The following SYK variants were observed in gnomAD, a reference collection of about 807,000 sequenced individuals.
SYK encodes spleen associated tyrosine kinase.
A neutral mutation model predicts 77.8 loss-of-function variants in SYK; 16 were observed. That is an observed-to-expected ratio of 0.21 (90% CI 0.14 to 0.31). SYK has a LOEUF of 0.31. SYK is among the 10% of genes least tolerant of loss of function. SYK has a pLI of 1.00. For missense variants in SYK, 529 were observed against 814.4 expected, an observed-to-expected ratio of 0.65 and a Z score of 4.26; for synonymous variants, 312 against 308.7, an observed-to-expected ratio of 1.01 and a Z score of -0.11.
chr9:90,880,949 T>G (rs1828128195), intron 11 of SYK, among the ~76,000 whole-genome samples: 1 of 152,178 alleles, frequency 6.6e-6, no homozygotes, highest in Non-Finnish European at 1.5e-5. Flanking sequence ...CTTGGGCCCA[T>G]GCTTCCCTTG....
intron 3 of SYK, among the ~76,000 whole-genome samples, chr9:90,856,211 C>CTGATAA (rs1587869697): frequency 6.6e-6 from 1 of 152,178 alleles, no homozygotes; most frequent in East Asian, 1.9e-4. Flanking sequence ...GATGTTTTAT[C>CTGATAA]TGAGTCATTA....
At chr9:90,847,589 G>A (rs1404974006) in intron 3 of SYK, among the ~76,000 whole-genome samples, 1 of 152,202 alleles carries the variant, frequency 6.6e-6, no homozygotes, top group African/African-American at 2.4e-5. Context: ...GTGGACTGAT[G>A]GTGCATAGCA....
chr9:90,872,091 A>T (rs1007293928), intron 7 of SYK, among the ~76,000 whole-genome samples: 1 of 152,210 alleles, frequency 6.6e-6, no homozygotes, highest in Non-Finnish European at 1.5e-5. Context: ...CCCTTTCAGC[A>T]TATTTTGACA....
At chr9:90,845,230 C>T (rs1463068865) in intron 2 of SYK, among the ~76,000 whole-genome samples, 6 of 152,172 alleles carry the variant, frequency 3.9e-5, no homozygotes, top group Admixed American at 3.3e-4. Context: ...GCCACCGTGC[C>T]CGGCCATGTT....
intron 1 of SYK, among the ~76,000 whole-genome samples, chr9:90,822,259 A>T (rs1825544469): frequency 1.3e-5 from 2 of 152,356 alleles, no homozygotes; most frequent in Admixed American, 1.3e-4. Context: ...TAACACAGAG[A>T]AAGTCTCTTT....
chr9:90,879,648 G>A (rs1828072312), intron 11 of SYK, among the ~76,000 whole-genome samples: 1 of 152,230 alleles, frequency 6.6e-6, no homozygotes, highest in African/African-American at 2.4e-5. Flanking sequence ...ATCCAGAAGA[G>A]TTGAAGTGTC....
At chr9:90,888,448 C>CTGTTT (rs1298047622) in intron 12 of SYK, 67 bp from the exon 13 acceptor site, 14 of 1,135,748 alleles carry the variant, frequency 1.2e-5, no homozygotes, top group African/African-American at 1.1e-4. Flanking sequence ...CTTGGAGTGG[C>CTGTTT]TGTTTTGTTT....
At chr9:90,809,241 T>A (rs1824978772) in intron 1 of SYK, among the ~76,000 whole-genome samples, 1 of 152,220 alleles carries the variant, frequency 6.6e-6, no homozygotes, top group African/African-American at 2.4e-5. Context: ...GGGTCCAAAT[T>A]CATAGATTCT....
At chr9:90,829,922 G>A (rs1469691943) in intron 1 of SYK, among the ~76,000 whole-genome samples, 1 of 152,188 alleles carries the variant, frequency 6.6e-6, no homozygotes, top group Non-Finnish European at 1.5e-5. Context: ...TCTATGTGTT[G>A]GTTGAGATAG....
At chr9:90,813,760 T>A (rs1825184302) in intron 1 of SYK, among the ~76,000 whole-genome samples, 1 of 152,186 alleles carries the variant, frequency 6.6e-6, no homozygotes, top group South Asian at 2.1e-4. Context: ...AAAGATTTTA[T>A]AAGAGGGTCA....
At chr9:90,833,095 A>C (rs909135247) in intron 1 of SYK, among the ~76,000 whole-genome samples, 3 of 152,230 alleles carry the variant, frequency 2.0e-5, no homozygotes, top group African/African-American at 4.8e-5. Context: ...CAGAGTGAGC[A>C]ATCCAAAAGC....
chr9:90,865,121 T>C (rs763299284), intron 6 of SYK, 24 bp downstream of exon 6: 10 of 1,608,612 alleles, frequency 6.2e-6, no homozygotes, highest in Non-Finnish European at 8.5e-6. Flanking sequence ...GGAATACCAC[T>C]GAATGAGAAG....
chr9:90,845,308 T>C (rs1277597128), intron 2 of SYK, 126 bp from the exon 3 acceptor site: 2 of 959,966 alleles, frequency 2.1e-6, no homozygotes, highest in Non-Finnish European at 3.1e-6. Flanking sequence ...ATTTACTGAA[T>C]GAATGAGTGA....
chr9:90,842,465 G>A (rs1264970105), intron 1 of SYK, among the ~76,000 whole-genome samples: 1 of 151,556 alleles, frequency 6.6e-6, no homozygotes, highest in African/African-American at 2.4e-5. Context: ...TGTTTCATGT[G>A]TGTGGTGTGT....
intron 4 of SYK, among the ~76,000 whole-genome samples, chr9:90,863,547 T>C (rs1827355259): frequency 6.6e-6 from 1 of 152,226 alleles, no homozygotes; most frequent in Admixed American, 6.5e-5. Flanking sequence ...GATATGATCA[T>C]ATTAAAAAAT....
In SYK at chr9:90,888,539, G is replaced by A. The variant is rs369492720; in HGVS notation, c.1747G>A (p.Ala583Thr). ...GGGGATGAAAGGAAGTGAAGTCACCGCTATGTTAGAGAAAGGAGAGCGGAT... is the reference window on the plus strand; with the variant it reads ...GGGGATGAAAGGAAGTGAAGTCACCACTATGTTAGAGAAAGGAGAGCGGAT... The part of the protein sequence containing the change: ...YRGMKGSEVT[A>T]MLEKGERMGC... Residue 583 changes from alanine (A) to threonine (T), a missense_variant, in exon 13 of 14, where the codon GCT becomes ACT. This residue lies in a region of SYK where 208 missense variants were observed against 381.3 expected (regional missense o/e 0.55). Coordinates refer to ENST00000375754, the MANE Select transcript of SYK (RefSeq NM_003177.7). The A allele has an allele frequency of 1.8e-5, 29 of 1,611,802 alleles. No homozygotes were observed. The highest frequency in any genetic ancestry group is 8.0e-5 in the African/African-American group (6 of 74,896).
intron 1 of SYK, among the ~76,000 whole-genome samples, chr9:90,825,769 A>G (rs1356016280): frequency 1.3e-5 from 2 of 152,208 alleles, no homozygotes; most frequent in African/African-American, 2.4e-5. Flanking sequence ...AAAGGATGTT[A>G]TGTGGTTTTG....
rs142936514 is a variant in SYK at position 90,874,712 on chromosome 9, C to T, written c.1044C>T (p.Tyr348=). ...REALPMDTEV[Y]ESPYADPEEI... ...CCCTACCCATGGACACAGAGGTGTA[C>T]GAGAGCCCCTACGCGGACCCCGAGG... The change falls in exon 9 of 14, where the codon TAC becomes TAT. Residue 348 remains tyrosine (Y), a synonymous_variant. Transcript: ENST00000375754. 4.1e-5 allele frequency: 66 copies of T among 1,614,042 alleles called. No homozygotes were observed. The Middle Eastern group carries it at 8.3e-4, about 20-fold the overall frequency.
chr9:90,885,371 CATTGAATGCAA>C (rs1164510796), intron 11 of SYK, among the ~76,000 whole-genome samples: 1 of 152,018 alleles, frequency 6.6e-6, no homozygotes, highest in Non-Finnish European at 1.5e-5. Flanking sequence ...ACTAAAGATT[CATTGAATGCAA>C]TAAAAAATAC....
Sources: gnomAD v4.1 joint callset for allele counts (sites outside exome capture counted in the v4.1 genomes callset) on GRCh38, gnomAD v4.1.1 for gene constraint, gnomAD v4.1.1 regional missense constraint, MANE v1.5 for transcripts, NCBI Gene and HGNC (gene_info 2026-07-23, HGNC 2026-07-21) for gene names.